MPZL1: variants seen among roughly 807,000 people sequenced by gnomAD.
The protein encoded by MPZL1 is myelin protein zero-like protein 1.
In MPZL1, 16 loss-of-function variants were observed where a neutral mutation model predicts 29.3. That is an observed-to-expected ratio of 0.55 (90% CI 0.37 to 0.83). The LOEUF (loss-of-function observed/expected upper bound fraction) is 0.83. Ranked by LOEUF, MPZL1 falls within the 40% of genes least tolerant of loss-of-function variation. The probability of loss-of-function intolerance (pLI) is 0.00; values close to 1 mark genes in which losing one functional copy is unlikely to be tolerated. For missense variants in MPZL1, 279 were observed against 332.9 expected (o/e 0.84, Z 1.26); for synonymous variants, 143 against 132.0 (o/e 1.08, Z -0.57).
At chr1:167,754,949 G>A (rs889927822) in intron 1 of MPZL1, among the ~76,000 whole-genome samples, 2 of 152,096 alleles carry the variant, frequency 1.3e-5, no homozygotes, top group African/African-American at 4.8e-5. Flanking sequence ...CTCCTCCATG[G>A]CCTCTCCTAT....
chr1:167,782,661 G>A (rs942008659), intron 5 of MPZL1, among the ~76,000 whole-genome samples: 1 of 152,072 alleles, frequency 6.6e-6, no homozygotes, highest in Admixed American at 6.5e-5. Flanking sequence ...GTTACCTTAC[G>A]TATCAAAAAG....
At chr1:167,746,352 C>G (rs1354326894) in intron 1 of MPZL1, among the ~76,000 whole-genome samples, 2 of 151,368 alleles carry the variant, frequency 1.3e-5, no homozygotes, top group African/African-American at 2.4e-5. Context: ...TGGAGCCAGC[C>G]TTTGAAAGGC....
Position 167,791,357 on chromosome 1 carries a change from T to C in MPZL1, c.*3436T>C, listed in dbSNP as rs1216703796. 1 of 152,246 alleles carries C rather than the reference T, an allele frequency of 6.6e-6. No homozygotes were observed. Among genetic ancestry groups the C allele is most frequent in the Non-Finnish European group, 1.5e-5 (1 of 68,062 alleles). The allele number at this position is 152,246 out of a possible 1,614,324, so 9.4% of individuals were successfully genotyped here. A position where few individuals can be genotyped will look rare whatever the true frequency, so the allele number is the denominator to read the frequency against. ...CTGAGAACAATCCTGTGCCAAGCAC[T>C]GTGCTAAGCATAAGGAAACAAAACA... On this transcript the variant is annotated 3_prime_UTR_variant, in exon 6 of 6. Transcript: ENST00000359523.
chr1:167,761,301 C>T (rs577866229), intron 1 of MPZL1, among the ~76,000 whole-genome samples: 82 of 152,202 alleles, frequency 5.4e-4, no homozygotes, highest in South Asian at 1.2e-3. Context: ...TATATTGCTG[C>T]TGGTGGTAAT....
intron 1 of MPZL1, among the ~76,000 whole-genome samples, chr1:167,744,382 T>C (rs1033217790): frequency 6.6e-5 from 10 of 151,900 alleles, no homozygotes; most frequent in African/African-American, 1.9e-4. Context: ...AGTCTAAGTG[T>C]TCTTTAAAAA....
In MPZL1 at chr1:167,780,976, A is replaced by G. The variant is rs145020452; in HGVS notation, c.708+4810A>G. ...GAAATCTGGGTGGTAATAATATCAG[A>G]ATAGGCTTCAGAACAAGAAATAGAA... On this transcript the variant is annotated intron_variant, in intron 5 of 5. Transcript: ENST00000359523. Among the ~76,000 whole-genome samples, 1,131 of 152,302 alleles carry G rather than the reference A, an allele frequency of 7.4e-3. 6 individuals are homozygous for G. The highest frequency in any genetic ancestry group is 9.1e-3 in the Admixed American group (140 of 15,306).
chr1:167,725,865 C>T (rs1429617918), intron 1 of MPZL1, among the ~76,000 whole-genome samples: 1 of 152,200 alleles, frequency 6.6e-6, no homozygotes, highest in African/African-American at 2.4e-5. Context: ...ACCGGCCTGC[C>T]TCAGCCTCCC....
At chr1:167,737,409 G>T (rs1372298852) in intron 1 of MPZL1, among the ~76,000 whole-genome samples, 1 of 152,204 alleles carries the variant, frequency 6.6e-6, no homozygotes, top group African/African-American at 2.4e-5. Flanking sequence ...GCCAGGATGA[G>T]GCTGGGGAGG....
chr1:167,725,290 T>C (rs1043402106), intron 1 of MPZL1, among the ~76,000 whole-genome samples: 1 of 152,110 alleles, frequency 6.6e-6, no homozygotes. Context: ...GCTCTTCCTC[T>C]TTTTCCCCCT....
chr1:167,788,114 C>A lies in MPZL1; in HGVS notation c.*193C>A. On this transcript the variant is annotated 3_prime_UTR_variant, in exon 6 of 6. Coordinates refer to ENST00000359523, the MANE Select transcript of MPZL1 (RefSeq NM_003953.6). ...TATTTAGTCATCCTGATATGAGGAG[C>A]CAGTGTTGCATGATGAAAAGATGGT... The A allele has an allele frequency of 5.9e-6, 3 of 512,554 alleles. No individual in the cohort carries two copies. Among genetic ancestry groups the A allele is most frequent in the Non-Finnish European group, 1.1e-5 (3 of 279,954 alleles). 31.8% of individuals were successfully genotyped at this position (512,554 alleles called of 1,614,324 possible).
chr1:167,739,284 T>TATATATATATAC (rs1660457920), intron 1 of MPZL1, among the ~76,000 whole-genome samples: 3 of 73,998 alleles, frequency 4.1e-5, no homozygotes, highest in African/African-American at 1.6e-4. Flanking sequence ...CATATATACA[T>TATATATATATAC]ATATATATAT....
At chr1:167,725,771 C>T (rs1408117772) in intron 1 of MPZL1, among the ~76,000 whole-genome samples, 1 of 152,208 alleles carries the variant, frequency 6.6e-6, no homozygotes, top group East Asian at 1.9e-4. Flanking sequence ...AGGCGTGAGC[C>T]ACCACATCTG....
chr1:167,729,249 G>C (rs1385765690), intron 1 of MPZL1, among the ~76,000 whole-genome samples: 1 of 151,094 alleles, frequency 6.6e-6, no homozygotes, highest in Non-Finnish European at 1.5e-5. Context: ...CAGCCTGGGT[G>C]ATAGAGTGAG....
In MPZL1 at chr1:167,722,117, G is replaced by C; in HGVS notation, c.-35G>C. The C allele has an allele frequency of 8.2e-7, 1 of 1,217,882 alleles. No individual in the cohort carries two copies. Among genetic ancestry groups the C allele is most frequent in the Non-Finnish European group, 1.0e-6 (1 of 977,600 alleles). The allele number at this position is 1,217,882 out of a possible 1,614,324, so 75.4% of individuals were successfully genotyped here. ...TCAGCGGGGACCCGGGCTCAGGGAC[G>C]CGGCGGCGGCGGCGGCGACTGCAGT... On this transcript the variant is annotated 5_prime_UTR_variant, in exon 1 of 6. Coordinates refer to ENST00000359523, the MANE Select transcript of MPZL1 (RefSeq NM_003953.6).
In MPZL1 at chr1:167,785,344, T is replaced by C. The variant is rs767738862; in HGVS notation, c.709-2476T>C. Reference sequence around the variant, plus strand: ...CTCTCATCAGCCATCAGGCTGACTTTGGCTTCTTCACATGGTAGTGGTGGC... The same window carrying C: ...CTCTCATCAGCCATCAGGCTGACTTCGGCTTCTTCACATGGTAGTGGTGGC... On this transcript the variant is annotated intron_variant, in intron 5 of 5. Coordinates refer to ENST00000359523, the MANE Select transcript of MPZL1 (RefSeq NM_003953.6). Among the ~76,000 whole-genome samples the C allele has an allele frequency of 1.5e-3, 222 of 152,352 alleles. 1 individual carries two copies. Among genetic ancestry groups the C allele is most frequent in the African/African-American group, 2.5e-3 (102 of 41,580 alleles).
At chr1:167,760,789 G>C (rs1485714203) in intron 1 of MPZL1, among the ~76,000 whole-genome samples, 1 of 148,276 alleles carries the variant, frequency 6.7e-6, no homozygotes, top group Non-Finnish European at 1.5e-5. Flanking sequence ...GTGTGTGTGT[G>C]TGTGTACAGG....
At chr1:167,730,032 A>C (rs1660230168) in intron 1 of MPZL1, among the ~76,000 whole-genome samples, 1 of 152,314 alleles carries the variant, frequency 6.6e-6, no homozygotes, top group East Asian at 1.9e-4. Context: ...ATTTTGGGGA[A>C]GATTCTGGAA....
chr1:167,734,041 G>A (rs1660325491), intron 1 of MPZL1, among the ~76,000 whole-genome samples: 1 of 152,142 alleles, frequency 6.6e-6, no homozygotes, highest in South Asian at 2.1e-4. Context: ...CGGATCATGA[G>A]GTCAGGAGAT....
chr1:167,739,952 G>A (rs146819583), intron 1 of MPZL1, among the ~76,000 whole-genome samples: 1 of 151,880 alleles, frequency 6.6e-6, no homozygotes, highest in African/African-American at 2.4e-5. Flanking sequence ...CTTTTGTTTT[G>A]TATTCGTTAC....
Sources: allele counts gnomAD v4.1 joint callset (sites outside exome capture counted in the v4.1 genomes callset), GRCh38; gene constraint gnomAD v4.1.1; transcripts MANE v1.5; gene names NCBI Gene and HGNC (gene_info 2026-07-23, HGNC 2026-07-21).